The following ELFN1 variants were observed in gnomAD, a reference collection of about 807,000 sequenced individuals.
The protein encoded by ELFN1 is extracellular leucine rich repeat and fibronectin type III domain containing 1.
Under a neutral mutation model 7.6 loss-of-function variants are expected in ELFN1, and 6 were observed. The observed-to-expected ratio is 0.79, with a 90% CI of 0.43 to 1.56. ELFN1 has a LOEUF of 1.56. Ranked by LOEUF, ELFN1 falls within the 40% of genes most tolerant of loss-of-function variation. ELFN1 has a pLI of 0.01. For missense variants in ELFN1, 1,169 were observed against 1,232.2 expected, an observed-to-expected ratio of 0.95 and a Z score of 0.77; for synonymous variants, 657 against 588.1, an observed-to-expected ratio of 1.12 and a Z score of -1.70.
At chr7:1,675,534 ACT>A (rs1258345541) in intron 1 of ELFN1, among the ~76,000 whole-genome samples, 1 of 151,738 alleles carries the variant, frequency 6.6e-6, no homozygotes, top group African/African-American at 2.4e-5. Context: ...TTAGTCATTA[ACT>A]CTCTCTAGTT....
chr7:1,721,344 C>T (rs1021721154), intron 3 of ELFN1, among the ~76,000 whole-genome samples: 1 of 152,204 alleles, frequency 6.6e-6, no homozygotes, highest in Non-Finnish European at 1.5e-5. Context: ...CCTCTCAGGG[C>T]CTAAGTGTGT....
At chr7:1,733,462 G>A (rs915979566) in intron 3 of ELFN1, among the ~76,000 whole-genome samples, 7 of 152,072 alleles carry the variant, frequency 4.6e-5, no homozygotes, top group Admixed American at 2.0e-4. Context: ...TAATTGTCTC[G>A]TGGTGTTATG....
At position 1,745,503 on chromosome 7, in the gene ELFN1, C is replaced by A. The variant is rs1322671350; in HGVS notation, c.907C>A (p.Leu303Met). The A allele has an allele frequency of 1.3e-6, 2 of 1,545,022 alleles. No homozygotes were observed. The highest frequency in any genetic ancestry group is 3.9e-5 in the Admixed American group (2 of 51,004). Residue 303 changes from leucine to methionine, a missense_variant, in exon 4 of 4, where the codon CTG (leucine) becomes ATG (methionine). Transcript: ENST00000424383. ...ECFSGDGTTPLVALPTLATQA... is the reference protein window; with the variant it reads ...ECFSGDGTTPMVALPTLATQA... Reference sequence around the variant, plus strand: ...CTTCTCCGGGGACGGCACCACGCCACTGGTGGCCCTGCCCACGCTGGCCAC... The same window carrying A: ...CTTCTCCGGGGACGGCACCACGCCAATGGTGGCCCTGCCCACGCTGGCCAC...
At chr7:1,703,289 T>C (rs1779465310) in intron 2 of ELFN1, among the ~76,000 whole-genome samples, 1 of 152,240 alleles carries the variant, frequency 6.6e-6, no homozygotes, top group South Asian at 2.1e-4. Context: ...ATAGTTATCA[T>C]TTATCTGTCA....
chr7:1,678,128 G>A (rs907017048), intron 1 of ELFN1, among the ~76,000 whole-genome samples: 1 of 152,158 alleles, frequency 6.6e-6, no homozygotes. Context: ...CAGCTGAATG[G>A]GCAGCTCCCA....
intron 1 of ELFN1, among the ~76,000 whole-genome samples, chr7:1,675,468 C>G (rs937784841): frequency 4.6e-5 from 7 of 152,240 alleles, no homozygotes; most frequent in East Asian, 1.9e-4. Context: ...GAGGCTCCCC[C>G]GTGTTTACCG....
intron 3 of ELFN1, among the ~76,000 whole-genome samples, chr7:1,718,509 T>C (rs1001277675): frequency 1.3e-5 from 2 of 152,158 alleles, no homozygotes; most frequent in Admixed American, 6.5e-5. Flanking sequence ...AGTTGAAATA[T>C]GAGGAAATCA....
At chr7:1,729,676 G>C (rs1704275564) in intron 3 of ELFN1, among the ~76,000 whole-genome samples, 1 of 152,176 alleles carries the variant, frequency 6.6e-6, no homozygotes. Context: ...CTCAGCAGGG[G>C]GTGTCAAGGT....
Position 1,739,861 on chromosome 7 carries a change from A to G in ELFN1, c.-293-4443A>G, listed in dbSNP as rs1363747366. On this transcript the variant is annotated intron_variant, in intron 3 of 3. Coordinates refer to ENST00000424383, the MANE Select transcript of ELFN1 (RefSeq NM_001128636.4). The surrounding 1 kb of genome is among the most constrained non-coding windows in gnomAD (Gnocchi z 4.6). ...GGGGCTGAGGATGGAAGAGGAGGTGAGGGAGGGGGATGGAAACTGCTGGCG... is the reference window on the plus strand; with the variant it reads ...GGGGCTGAGGATGGAAGAGGAGGTGGGGGAGGGGGATGGAAACTGCTGGCG... 1.3e-5 allele frequency among the ~76,000 whole-genome samples: 2 copies of G among 151,948 alleles called. No individual in the cohort carries two copies. The highest frequency in any genetic ancestry group is 2.9e-5 in the Non-Finnish European group (2 of 67,970).
rs1583411203 is a variant in ELFN1 at position 1,745,995 on chromosome 7, A to G, written c.1399A>G (p.Ile467Val). The G allele has an allele frequency of 6.5e-7, 1 of 1,544,340 alleles. No homozygotes were observed. Among genetic ancestry groups the G allele is most frequent in the Non-Finnish European group, 8.7e-7 (1 of 1,142,966 alleles). The change falls in exon 4 of 4, where the codon ATC (isoleucine) becomes GTC (valine). Residue 467 changes from isoleucine (I) to valine (V), a missense_variant. Transcript: ENST00000424383. ...AAAGSLKKTI[I>V]ELKYGPELEA... ...AGCTGGCAGCCTCAAGAAGACCATC[A>G]TCGAGCTCAAGTACGGGCCAGAGCT...
rs371014728 is a variant in ELFN1, at chr7:1,701,135, ATG to A, written c.-455-7945_-455-7944del. Among the ~76,000 whole-genome samples, 738 of 151,222 alleles carry A rather than the reference ATG, an allele frequency of 4.9e-3. 3 individuals are homozygous for A. The highest frequency in any genetic ancestry group is 0.016 in the African/African-American group (668 of 41,204). ...TGTGCGTATGTGAGCCTGTGTGTGC[ATG>A]TGTGTGTGTGGTGCACGCATGTGTG... On this transcript the variant is annotated intron_variant, in intron 2 of 3. Transcript: ENST00000424383.
At chr7:1,731,677 A>G (rs1780327436) in intron 3 of ELFN1, among the ~76,000 whole-genome samples, 1 of 152,168 alleles carries the variant, frequency 6.6e-6, no homozygotes, top group Non-Finnish European at 1.5e-5. Context: ...TTTGAGACGG[A>G]GTCTCGCTCT....
intron 3 of ELFN1, among the ~76,000 whole-genome samples, chr7:1,738,264 G>A (rs950141292): frequency 2.0e-5 from 3 of 152,188 alleles, no homozygotes; most frequent in Non-Finnish European, 4.4e-5. Flanking sequence ...CCATCTGGGT[G>A]AGGGGCGTCA....
At chr7:1,702,600 T>C (rs1370593111) in intron 2 of ELFN1, among the ~76,000 whole-genome samples, 1 of 151,214 alleles carries the variant, frequency 6.6e-6, no homozygotes, top group African/African-American at 2.5e-5. Flanking sequence ...ATAAATTAAT[T>C]TGAAGACTGT....
chr7:1,698,191 A>C (rs972980577), intron 2 of ELFN1, among the ~76,000 whole-genome samples: 1 of 152,246 alleles, frequency 6.6e-6, no homozygotes, highest in Admixed American at 6.5e-5. Context: ...AGGGAACCTC[A>C]GCCTTCATTT....
rs746674332 is a variant in ELFN1, at chr7:1,744,808, G to A, written c.212G>A (p.Arg71His). 7 of 1,562,042 alleles carry A rather than the reference G, an allele frequency of 4.5e-6. No homozygotes were observed. Among genetic ancestry groups the A allele is most frequent in the South Asian group, 1.2e-5 (1 of 84,824 alleles). The change falls in exon 4 of 4, where the codon CGT becomes CAT. Residue 71 changes from arginine to histidine, a missense_variant. Physicochemically the swap from Arg to His is conservative, Grantham distance 29. This residue lies in a region of ELFN1 where 255 missense variants were observed against 359.6 expected (regional missense o/e 0.71). Coordinates refer to ENST00000424383, the MANE Select transcript of ELFN1 (RefSeq NM_001128636.4). Reference sequence around the variant, plus strand: ...GTGGACCTGCGGCTCAACGAGAACCGTATCCGCAGCGTGCAGTACGCCTCG... The same window carrying A: ...GTGGACCTGCGGCTCAACGAGAACCATATCCGCAGCGTGCAGTACGCCTCG... Reference protein sequence around the residue: ...TIVDLRLNENRIRSVQYASLS... With the variant: ...TIVDLRLNENHIRSVQYASLS...
upstream of ELFN1, among the ~76,000 whole-genome samples, chr7:1,669,443 C>T (rs1778718804): frequency 6.6e-6 from 1 of 152,068 alleles, no homozygotes; most frequent in Admixed American, 6.5e-5. Flanking sequence ...CAGGCACCGC[C>T]GGGGCCTGCC....
rs1193550629 is a variant in ELFN1, at chr7:1,670,496, C to T, written c.-549+142C>T. ...CAGCGTGCGCCCCCAGCCCCTGCTG[C>T]GCCCCCAGGCCTGGCGCGCGATCCG... is the stretch of plus-strand genomic sequence containing the variant. On this transcript the variant is annotated intron_variant, in intron 1 of 3. Transcript: ENST00000424383. This position sits in a 1 kb window ranked among gnomAD's most constrained non-coding sequence, Gnocchi z 6.4. Among the ~76,000 whole-genome samples, 1 of 151,668 alleles carries T rather than the reference C, an allele frequency of 6.6e-6. No homozygotes were observed. Among genetic ancestry groups the T allele is most frequent in the African/African-American group, 2.4e-5 (1 of 41,326 alleles).
At chr7:1,689,573 A>G (rs1779118638) in intron 2 of ELFN1, among the ~76,000 whole-genome samples, 1 of 152,188 alleles carries the variant, frequency 6.6e-6, no homozygotes. Context: ...GGCCTGGTGC[A>G]CTACAGACCC....
Sources: gnomAD v4.1 joint callset for allele counts (sites outside exome capture counted in the v4.1 genomes callset) on GRCh38, gnomAD v4.1.1 for gene constraint, gnomAD v4.1.1 regional missense constraint, Gnocchi (gnomAD v3.1) non-coding constraint, MANE v1.5 for transcripts, NCBI Gene and HGNC (gene_info 2026-07-23, HGNC 2026-07-21) for gene names.